Variants in NUDT3 observed in about 807,000 individuals in gnomAD.
NUDT3 encodes the protein diphosphoinositol polyphosphate phosphohydrolase 1.
Under a neutral mutation model 23.6 loss-of-function variants are expected in NUDT3, and 9 were observed. That is an observed-to-expected ratio of 0.38 (90% CI 0.23 to 0.66). NUDT3 has a LOEUF of 0.66. Among genes scored for constraint, NUDT3 ranks in the 30% least tolerant of loss-of-function variants. NUDT3 has a pLI of 0.52. For synonymous variants in NUDT3, 86 were observed against 82.6 expected, an observed-to-expected ratio of 1.04 and a Z score of -0.22; for missense variants, 172 against 218.5, an observed-to-expected ratio of 0.79 and a Z score of 1.34.
Position 34,392,373 on chromosome 6 carries a change from CG to C in NUDT3, c.-12del, listed in dbSNP as rs774518611. 1 of 1,595,244 alleles carries C rather than the reference CG, an allele frequency of 6.3e-7. No individual in the cohort carries two copies. Among genetic ancestry groups the C allele is most frequent in the South Asian group, 1.1e-5 (1 of 89,416 alleles). On this transcript the variant is annotated 5_prime_UTR_variant, in exon 1 of 5. Coordinates refer to ENST00000607016, the MANE Select transcript of NUDT3 (RefSeq NM_006703.4). ...CTTGAGCTTCATCATCCTCCGGGCC[CG>C]GGTGGGGGTGCGGTGCGGGTCGCAG...
At chr6:34,305,578 A>G (rs1242596223) in intron 2 of NUDT3, among the ~76,000 whole-genome samples, 4 of 151,692 alleles carry the variant, frequency 2.6e-5, no homozygotes, top group Non-Finnish European at 2.9e-5. Flanking sequence ...CTGTCCCTTT[A>G]CTTCCTTTGG....
At chr6:34,372,967 TAG>T (rs948007593) in intron 1 of NUDT3, among the ~76,000 whole-genome samples, 5 of 148,948 alleles carry the variant, frequency 3.4e-5, no homozygotes, top group African/African-American at 9.8e-5. Flanking sequence ...TATATATACA[TAG>T]AGAGAGAGAG....
chr6:34,308,257 A>C (rs550415397), intron 2 of NUDT3, among the ~76,000 whole-genome samples: 48 of 149,982 alleles, frequency 3.2e-4, no homozygotes, highest in East Asian at 2.6e-3. Flanking sequence ...TAGAAATTTG[A>C]GATCAGCCTG....
intron 1 of NUDT3, among the ~76,000 whole-genome samples, chr6:34,388,252 C>T (rs576252577): frequency 9.0e-4 from 137 of 152,286 alleles, no homozygotes; most frequent in Non-Finnish European, 1.6e-3. Flanking sequence ...ATGCATTTCT[C>T]AGTACGTATC....
At chr6:34,303,644 T>G (rs1237915120) in intron 2 of NUDT3, among the ~76,000 whole-genome samples, 1 of 152,208 alleles carries the variant, frequency 6.6e-6, no homozygotes, top group Non-Finnish European at 1.5e-5. Flanking sequence ...TTGCTAACAG[T>G]TTTTATAATG....
At chr6:34,340,351 A>G (rs1232503671) in intron 2 of NUDT3, among the ~76,000 whole-genome samples, 4 of 152,364 alleles carry the variant, frequency 2.6e-5, no homozygotes, top group Admixed American at 2.0e-4. Flanking sequence ...AGAGTGATAC[A>G]TAATTCACAA....
chr6:34,364,434 TAA>T (rs1249533018), intron 1 of NUDT3, among the ~76,000 whole-genome samples: 2 of 152,200 alleles, frequency 1.3e-5, no homozygotes, highest in African/African-American at 4.8e-5. Flanking sequence ...TTTTTTTTAA[TAA>T]GTTGATTTTA....
intron 1 of NUDT3, among the ~76,000 whole-genome samples, chr6:34,346,754 T>G (rs954594463): frequency 2.6e-5 from 4 of 151,952 alleles, no homozygotes; most frequent in Admixed American, 6.6e-5. Flanking sequence ...AAAAAAAAGT[T>G]TCTGTTTCTG....
chr6:34,380,822 T>C (rs977131606), intron 1 of NUDT3, among the ~76,000 whole-genome samples: 1 of 152,208 alleles, frequency 6.6e-6, no homozygotes, highest in African/African-American at 2.4e-5. Flanking sequence ...AAAGGCTGCA[T>C]ATCTGGGCCT....
intron 2 of NUDT3, among the ~76,000 whole-genome samples, chr6:34,311,766 A>G (rs1038153901): frequency 2.0e-5 from 3 of 152,224 alleles, no homozygotes; most frequent in African/African-American, 7.2e-5. Flanking sequence ...ATAGACCTAC[A>G]TCAATACAAT....
chr6:34,378,610 G>A (rs750729790), intron 1 of NUDT3, among the ~76,000 whole-genome samples: 2 of 152,174 alleles, frequency 1.3e-5, no homozygotes, highest in Non-Finnish European at 2.9e-5. Flanking sequence ...GCACTCCAGA[G>A]GTGGCAGCAA....
intron 1 of NUDT3, among the ~76,000 whole-genome samples, chr6:34,346,292 A>T (rs908651702): frequency 6.6e-6 from 1 of 152,220 alleles, no homozygotes; most frequent in Non-Finnish European, 1.5e-5. Context: ...AAGAAGAAAA[A>T]GTAGTAAAAT....
chr6:34,351,202 A>AAAAAAAAAC (rs1361021279), intron 1 of NUDT3, among the ~76,000 whole-genome samples: 1 of 107,412 alleles, frequency 9.3e-6, no homozygotes, highest in Non-Finnish European at 1.8e-5. Flanking sequence ...CCTGCCTAAA[A>AAAAAAAAAC]AAAAAAAAAA....
intron 2 of NUDT3, among the ~76,000 whole-genome samples, chr6:34,337,603 C>T (rs1764228705): frequency 6.6e-6 from 1 of 152,180 alleles, no homozygotes; most frequent in Non-Finnish European, 1.5e-5. Flanking sequence ...TTTCCTGTTG[C>T]AAACATCTGG....
At chr6:34,380,724 TTCTC>T (rs1208718508) in intron 1 of NUDT3, among the ~76,000 whole-genome samples, 4 of 152,116 alleles carry the variant, frequency 2.6e-5, no homozygotes, top group Non-Finnish European at 5.9e-5. Flanking sequence ...GCCTCTTACT[TTCTC>T]TCTTTCTTCC....
intron 2 of NUDT3, among the ~76,000 whole-genome samples, chr6:34,302,828 G>A (rs151277081): frequency 2.0e-4 from 31 of 152,190 alleles, no homozygotes; most frequent in East Asian, 9.6e-4. Flanking sequence ...GAGTTTTATC[G>A]TACGATCCAT....
In NUDT3 at chr6:34,287,914, G is replaced by A. The variant is rs201091372; in HGVS notation, c.*839C>T. Reference sequence around the variant, plus strand: ...TTCTATCATTGTTTTTACAGATCTGGGCTGAGGCCATTTGCTCCTTGCTTG... The same window carrying A: ...TTCTATCATTGTTTTTACAGATCTGAGCTGAGGCCATTTGCTCCTTGCTTG... On this transcript the variant is annotated 3_prime_UTR_variant, in exon 5 of 5. Coordinates refer to ENST00000607016, the MANE Select transcript of NUDT3 (RefSeq NM_006703.4). The A allele has an allele frequency of 1.3e-5, 2 of 152,110 alleles. No individual in the cohort carries two copies. The highest frequency in any genetic ancestry group is 3.9e-4 in the East Asian group (2 of 5,188). The allele number at this position is 152,110 out of a possible 1,614,324, so 9.4% of individuals were successfully genotyped here.
intron 1 of NUDT3, among the ~76,000 whole-genome samples, chr6:34,375,598 G>C (rs932018188): frequency 2.6e-5 from 4 of 152,236 alleles, no homozygotes; most frequent in Middle Eastern, 3.4e-3. Flanking sequence ...ATATTGATTG[G>C]AAGAGTAAAT....
chr6:34,314,643 T>G (rs1209539948), intron 2 of NUDT3, among the ~76,000 whole-genome samples: 3 of 152,012 alleles, frequency 2.0e-5, no homozygotes, highest in African/African-American at 2.4e-5. Context: ...ATTTATATAC[T>G]TCATTAACTT....
Sources: gnomAD v4.1 joint callset for allele counts (sites outside exome capture counted in the v4.1 genomes callset) on GRCh38, gnomAD v4.1.1 for gene constraint, MANE v1.5 for transcripts, NCBI Gene and HGNC (gene_info 2026-07-23, HGNC 2026-07-21) for gene names.